The following UMAD1 variants were observed in gnomAD, a reference collection of about 807,000 sequenced individuals.
UMAD1 encodes UBAP1-MVB12-associated (UMA) domain containing 1.
Under a neutral mutation model 6.1 loss-of-function variants are expected in UMAD1, and 8 were observed. The ratio of observed to expected loss-of-function variants is 1.30; its 90% CI spans 0.76 to 2.35. The LOEUF (loss-of-function observed/expected upper bound fraction) is 2.35. Ranked by LOEUF, UMAD1 falls within the 30% of genes most tolerant of loss-of-function variation. The pLI is 0.00. For synonymous variants in UMAD1, 56 were observed against 31.4 expected (o/e 1.78, Z -2.61); for missense variants, 130 against 78.4 (o/e 1.66, Z -2.49).
intron 2 of UMAD1, among the ~76,000 whole-genome samples, chr7:7,785,557 G>A (rs1055504482): frequency 4.6e-5 from 7 of 152,186 alleles, no homozygotes; most frequent in African/African-American, 1.4e-4. Flanking sequence ...GCAAAGGCCA[G>A]GTCTGTGTTA....
intron 2 of UMAD1, among the ~76,000 whole-genome samples, chr7:7,771,955 T>C (rs1354324529): frequency 2.6e-5 from 4 of 152,172 alleles, no homozygotes; most frequent in Non-Finnish European, 5.9e-5. Context: ...GCTCCATGCT[T>C]GTAGGTATAT....
At chr7:7,745,435 G>A (rs1315131770) in intron 2 of UMAD1, among the ~76,000 whole-genome samples, 2 of 152,168 alleles carry the variant, frequency 1.3e-5, no homozygotes, top group Non-Finnish European at 2.9e-5. Context: ...TTGATAAGCT[G>A]AGAAAGGCCT....
Position 7,827,645 on chromosome 7 carries a change from G to A in UMAD1, c.156+25902G>A, listed in dbSNP as rs180775449. On this transcript the variant is annotated intron_variant, in intron 3 of 3. Transcript: ENST00000682710. ...AAAATTTTAAATGCATAATGAACTA[G>A]AAGTAATAGTAAGATATAACTTCTA... 3.3e-5 allele frequency among the ~76,000 whole-genome samples: 5 copies of A among 152,154 alleles called. No individual in the cohort carries two copies. The East Asian group carries it at 7.7e-4, about 23-fold the overall frequency.
chr7:7,684,885 A>T lies in UMAD1; in HGVS notation c.82+11432A>T, dbSNP rs2115127808. Among the ~76,000 whole-genome samples the T allele has an allele frequency of 2.0e-5, 3 of 152,276 alleles. No homozygotes were observed. The South Asian group carries it at 6.2e-4, about 32-fold the overall frequency. ...TTTCACTATGGTACTATTTCCTTGA[A>T]GGGTGCTTATTCCATACAACATCTG... On this transcript the variant is annotated intron_variant, in intron 2 of 3. Transcript: ENST00000682710.
chr7:7,650,655 A>G (rs1397532015), intron 1 of UMAD1, among the ~76,000 whole-genome samples: 11 of 152,244 alleles, frequency 7.2e-5, no homozygotes, highest in Admixed American at 7.2e-4. Context: ...AAGTAAAACA[A>G]AGTTTAAGCT....
chr7:7,671,921 C>T (rs1375279040), intron 1 of UMAD1, among the ~76,000 whole-genome samples: 2 of 152,058 alleles, frequency 1.3e-5, no homozygotes, highest in East Asian at 1.9e-4. Context: ...TGTTTTTCTT[C>T]TCCATTTTGA....
chr7:7,679,851 T>C (rs978774444), intron 2 of UMAD1, among the ~76,000 whole-genome samples: 1 of 151,412 alleles, frequency 6.6e-6, no homozygotes, highest in African/African-American at 2.4e-5. Flanking sequence ...AGGCGTGAGC[T>C]GCTATGCCTG....
chr7:7,711,254 A>G (rs1187789794), intron 2 of UMAD1, among the ~76,000 whole-genome samples: 1 of 152,218 alleles, frequency 6.6e-6, no homozygotes, highest in Non-Finnish European at 1.5e-5. Context: ...TGAATCTAGA[A>G]TTATCTGAAA....
intron 2 of UMAD1, among the ~76,000 whole-genome samples, chr7:7,780,438 A>G (rs866702725): frequency 2.6e-5 from 4 of 152,138 alleles, no homozygotes; most frequent in Non-Finnish European, 5.9e-5. Flanking sequence ...TTTTTTTCCT[A>G]CTTTAATATT....
chr7:7,686,154 A>G (rs1780037645), intron 2 of UMAD1, among the ~76,000 whole-genome samples: 1 of 152,168 alleles, frequency 6.6e-6, no homozygotes, highest in Non-Finnish European at 1.5e-5. Flanking sequence ...TTATTTTTAT[A>G]AGGTATGGTA....
chr7:7,839,338 C>G (rs1190348656), intron 3 of UMAD1, among the ~76,000 whole-genome samples: 2 of 152,028 alleles, frequency 1.3e-5, no homozygotes, highest in African/African-American at 4.8e-5. Context: ...CAGCCTCCCC[C>G]AAGCTGGGAC....
Position 7,812,573 on chromosome 7 carries a change from G to T in UMAD1, c.156+10830G>T, listed in dbSNP as rs1181488890. On this transcript the variant is annotated intron_variant, in intron 3 of 3. Transcript: ENST00000682710. ...TGTTAATTATATATATTTAGAAGGAGGAATCAAAATGTGGAAATACTAGCT... is the reference window on the plus strand; with the variant it reads ...TGTTAATTATATATATTTAGAAGGATGAATCAAAATGTGGAAATACTAGCT... 2.0e-5 allele frequency among the ~76,000 whole-genome samples: 3 copies of T among 151,828 alleles called. No individual in the cohort carries two copies. The South Asian group carries it at 6.2e-4, about 32-fold the overall frequency.
At chr7:7,661,662 C>T (rs528398423) in intron 1 of UMAD1, among the ~76,000 whole-genome samples, 16 of 152,164 alleles carry the variant, frequency 1.1e-4, no homozygotes, top group East Asian at 1.9e-4. Context: ...GATTGTTGCC[C>T]GTTCCTTCCT....
At chr7:7,660,570 T>G (rs1785449203) in intron 1 of UMAD1, among the ~76,000 whole-genome samples, 1 of 152,214 alleles carries the variant, frequency 6.6e-6, no homozygotes, top group Non-Finnish European at 1.5e-5. Context: ...AAGCTTAGTT[T>G]GGCTGGATAT....
At chr7:7,844,292 ATTT>A (rs1207171016) in intron 3 of UMAD1, among the ~76,000 whole-genome samples, 1 of 150,764 alleles carries the variant, frequency 6.6e-6, no homozygotes, top group African/African-American at 2.4e-5. Context: ...ACAGTCCAGA[ATTT>A]TTTTTTTCTT....
At chr7:7,747,923 AC>A (rs1338710500) in intron 2 of UMAD1, among the ~76,000 whole-genome samples, 1 of 152,188 alleles carries the variant, frequency 6.6e-6, no homozygotes, top group East Asian at 1.9e-4. Flanking sequence ...AAGTAGGAAA[AC>A]AATGCATAAT....
chr7:7,873,450 A>T (rs1234349108), intron 3 of UMAD1, among the ~76,000 whole-genome samples: 1 of 152,182 alleles, frequency 6.6e-6, no homozygotes. Context: ...TGACCCGAGG[A>T]TAATTAGCAT....
chr7:7,677,936 G>A (rs1779790407), intron 2 of UMAD1, among the ~76,000 whole-genome samples: 1 of 151,874 alleles, frequency 6.6e-6, no homozygotes, highest in Admixed American at 6.6e-5. Context: ...GCCTCCCAAA[G>A]TGCTGGGATT....
intron 3 of UMAD1, among the ~76,000 whole-genome samples, chr7:7,856,442 T>TA (rs1298289031): frequency 6.6e-6 from 1 of 152,150 alleles, no homozygotes; most frequent in Non-Finnish European, 1.5e-5. Context: ...TGTGAGAACT[T>TA]ACTCACTATC....
Sources: allele counts gnomAD v4.1 joint callset (sites outside exome capture counted in the v4.1 genomes callset), GRCh38; gene constraint gnomAD v4.1.1; transcripts MANE v1.5; gene names NCBI Gene and HGNC (gene_info 2026-07-23, HGNC 2026-07-21).